Variants in CYRIB observed in about 807,000 individuals in gnomAD.
CYRIB encodes CYFIP related Rac1 interactor B, also known as CYFIP-related Rac1 interactor B.
In CYRIB, 8 loss-of-function variants were observed where a neutral mutation model predicts 44.2. That is an observed-to-expected ratio of 0.18 (90% CI 0.11 to 0.33). CYRIB has a LOEUF of 0.33. CYRIB is among the 10% of genes least tolerant of loss of function. CYRIB has a pLI of 1.00. For missense variants in CYRIB, 185 were observed against 382.8 expected, an observed-to-expected ratio of 0.48 and a Z score of 4.31; for synonymous variants, 131 against 127.2, an observed-to-expected ratio of 1.03 and a Z score of -0.20.
intron 1 of CYRIB, among the ~76,000 whole-genome samples, chr8:129,914,269 G>C (rs1008634972): frequency 6.6e-6 from 1 of 152,186 alleles, no homozygotes; most frequent in Non-Finnish European, 1.5e-5. Context: ...AGTTACAAAA[G>C]AAAGAGTTGA....
At chr8:129,932,960 G>A (rs995583295) in intron 1 of CYRIB, among the ~76,000 whole-genome samples, 20 of 152,128 alleles carry the variant, frequency 1.3e-4, no homozygotes, top group Admixed American at 2.0e-4. Flanking sequence ...CCACCCAAAT[G>A]GTGGGTTGGT....
chr8:129,907,477 A>G (rs1453098632), intron 1 of CYRIB, among the ~76,000 whole-genome samples: 4 of 152,158 alleles, frequency 2.6e-5, no homozygotes, highest in Admixed American at 6.6e-5. Context: ...TAGCATTAGG[A>G]GATATACTTA....
chr8:129,872,690 G>T (rs980914317), intron 3 of CYRIB, among the ~76,000 whole-genome samples: 1 of 151,830 alleles, frequency 6.6e-6, no homozygotes, highest in African/African-American at 2.4e-5. Flanking sequence ...CTCTTATGAG[G>T]GAAAAGGAAT....
intron 1 of CYRIB, among the ~76,000 whole-genome samples, chr8:129,990,019 C>A (rs1361007743): frequency 6.6e-6 from 1 of 152,012 alleles, no homozygotes; most frequent in African/African-American, 2.4e-5. Flanking sequence ...TATATATGTG[C>A]CCTTTCTTAT....
chr8:129,930,505 A>G (rs2090791380), intron 1 of CYRIB, among the ~76,000 whole-genome samples: 1 of 151,550 alleles, frequency 6.6e-6, no homozygotes, highest in African/African-American at 2.4e-5. Context: ...AACAATGAAA[A>G]TCTGCTAAAA....
intron 8 of CYRIB, 146 bp from the exon 11 acceptor site, chr8:129,851,060 A>G: frequency 1.6e-6 from 1 of 613,140 alleles, no homozygotes. Flanking sequence ...ACTAGACTCT[A>G]AGCAACTGTT....
At chr8:129,925,214 A>G (rs1003590803) in intron 1 of CYRIB, among the ~76,000 whole-genome samples, 2 of 152,084 alleles carry the variant, frequency 1.3e-5, no homozygotes, top group South Asian at 2.1e-4. Flanking sequence ...CCTGGCCAAC[A>G]TGGTGAAACC....
upstream of CYRIB, chr8:130,016,958 C>T (rs1453702681): frequency 6.6e-6 from 1 of 152,318 alleles, no homozygotes; most frequent in Non-Finnish European, 1.5e-5. Context: ...TGGGCTCGAA[C>T]CCCGGTCTCC....
intron 1 of CYRIB, 121 bp from the exon 4 acceptor site, chr8:129,903,471 T>C (rs2073439738): frequency 6.6e-6 from 1 of 152,416 alleles, no homozygotes; most frequent in African/African-American, 2.4e-5. Flanking sequence ...ATTTTATACA[T>C]ACACACATAT....
At chr8:129,879,590 A>G (rs1426907590) in intron 2 of CYRIB, 119 bp from the exon 5 acceptor site, 1 of 731,152 alleles carries the variant, frequency 1.4e-6, no homozygotes. Flanking sequence ...TTCATTCTTC[A>G]GGTTACCCAG....
rs550239067 is a variant in CYRIB, at chr8:129,889,702, C to G, written c.-10-10231G>C. Reference sequence around the variant, plus strand: ...GAGTAGAAGTTCATCTTAGAAGGGCCTTTAAGATGTGACTGAATAGCTGCA... The same window carrying G: ...GAGTAGAAGTTCATCTTAGAAGGGCGTTTAAGATGTGACTGAATAGCTGCA... On this transcript the variant is annotated intron_variant, in intron 2 of 11. Coordinates refer to ENST00000519824, the Ensembl canonical transcript of CYRIB. Among the ~76,000 whole-genome samples, 250 of 152,150 alleles carry G rather than the reference C, an allele frequency of 1.6e-3. 2 individuals are homozygous for G. The highest frequency in any genetic ancestry group is 6.8e-3 in the Middle Eastern group (2 of 294).
chr8:129,977,032 G>A (rs970918716), intron 1 of CYRIB, among the ~76,000 whole-genome samples: 4 of 152,080 alleles, frequency 2.6e-5, no homozygotes, highest in African/African-American at 7.2e-5. Flanking sequence ...AGTGGAGACG[G>A]GGTTTCACCA....
At chr8:129,880,841 G>T (rs1232335530) in intron 2 of CYRIB, among the ~76,000 whole-genome samples, 1 of 151,716 alleles carries the variant, frequency 6.6e-6, no homozygotes, top group East Asian at 1.9e-4. Flanking sequence ...TAAATAATAG[G>T]GATATTTTCC....
At chr8:129,942,930 A>G (rs938539060), upstream of CYRIB, among the ~76,000 whole-genome samples, 6 of 152,196 alleles carry the variant, frequency 3.9e-5, no homozygotes, top group African/African-American at 1.4e-4. Flanking sequence ...GTCTCTGTCT[A>G]CTTTTTTAAA....
intron 1 of CYRIB, among the ~76,000 whole-genome samples, chr8:129,991,965 A>G (rs1051549920): frequency 0.056 from 7,445 of 133,738 alleles, 505 homozygotes; most frequent in South Asian, 0.18. Context: ...AAAAAAAAAA[A>G]AAAAAAACAA....
chr8:129,902,813 G>A (rs2073002157), intron 2 of CYRIB: 1 of 152,044 alleles, frequency 6.6e-6, no homozygotes. Context: ...AAATGTTTCA[G>A]TACTCAGGAC....
intron 6 of CYRIB, 47 bp downstream of exon 8, chr8:129,855,564 A>G (rs766831950): frequency 2.2e-5 from 36 of 1,603,344 alleles, no homozygotes; most frequent in Non-Finnish European, 3.1e-5. Flanking sequence ...GTACTCATTA[A>G]AAGATTCATG....
chr8:129,949,855 A>C (rs1448569420), intron 2 of CYRIB, among the ~76,000 whole-genome samples: 2 of 152,012 alleles, frequency 1.3e-5, no homozygotes, highest in Admixed American at 1.3e-4. Context: ...AAAAAGAGCG[A>C]AACTCCATCT....
intron 1 of CYRIB, among the ~76,000 whole-genome samples, chr8:129,925,036 T>C (rs188133536): frequency 2.0e-5 from 3 of 152,298 alleles, no homozygotes; most frequent in Admixed American, 2.0e-4. Flanking sequence ...ACTCCACTCC[T>C]TTCCACCTTG....
Sources: allele counts gnomAD v4.1 joint callset (sites outside exome capture counted in the v4.1 genomes callset), GRCh38; gene constraint gnomAD v4.1.1; transcripts MANE v1.5; gene names NCBI Gene and HGNC (gene_info 2026-07-23, HGNC 2026-07-21).